Variants in RPAP2 observed in about 807,000 individuals in gnomAD.
RPAP2 encodes the protein RNA polymerase II associated protein 2, also known as putative RNA polymerase II subunit B1 CTD phosphatase RPAP2.
Under a neutral mutation model 73.1 loss-of-function variants are expected in RPAP2, and 52 were observed. The observed-to-expected ratio is 0.71, with a 90% CI of 0.57 to 0.90. The LOEUF is 0.90. Among genes scored for constraint, RPAP2 ranks in the 40% least tolerant of loss-of-function variants. The pLI, the probability that RPAP2 is intolerant of heterozygous loss-of-function variation, is 0.00. For missense variants in RPAP2, 598 were observed against 701.8 expected (o/e 0.85, Z 1.67); for synonymous variants, 225 against 242.1 (o/e 0.93, Z 0.65).
intron 6 of RPAP2, among the ~76,000 whole-genome samples, chr1:92,315,631 C>A (rs573945958): frequency 6.6e-6 from 1 of 152,126 alleles, no homozygotes; most frequent in Non-Finnish European, 1.5e-5. Context: ...AGAGTAATAT[C>A]TTTATATCAC....
chr1:92,401,739 A>G lies in RPAP2; in HGVS notation c.*14728A>G, dbSNP rs1656321833. The G allele has an allele frequency of 6.6e-6, 1 of 152,236 alleles. No homozygotes were observed. The highest frequency in any genetic ancestry group is 1.5e-5 in the Non-Finnish European group (1 of 68,046). The allele number at this position is 152,236 out of a possible 1,614,324, so 9.4% of individuals were successfully genotyped here. On this transcript the variant is annotated 3_prime_UTR_variant, in exon 13 of 13. Transcript: ENST00000610020. Reference sequence around the variant, plus strand: ...TGCTAAAAGGTTTTTGTCATTTTAAATCATAAATGGGTGTTGAATTTTGTC... The same window carrying G: ...TGCTAAAAGGTTTTTGTCATTTTAAGTCATAAATGGGTGTTGAATTTTGTC...
At chr1:92,341,846 T>C (rs1653611180) in intron 10 of RPAP2, among the ~76,000 whole-genome samples, 1 of 152,214 alleles carries the variant, frequency 6.6e-6, no homozygotes, top group Non-Finnish European at 1.5e-5. Flanking sequence ...GGTTTCACCA[T>C]GTTGGCCAAG....
rs1655158360 is a variant in RPAP2 at position 92,371,628 on chromosome 1, G to A, written c.1689-9096G>A. Among the ~76,000 whole-genome samples the A allele has an allele frequency of 4.6e-5, 7 of 151,826 alleles. No individual in the cohort carries two copies. In the South Asian group the frequency reaches 1.5e-3, roughly 32 times the overall value. ...TCAGCTTTAAAAAGAAGGAAATCCT[G>A]TTATTTGTGACGACATAGGTGAATC... On this transcript the variant is annotated intron_variant, in intron 11 of 12. Coordinates refer to ENST00000610020, the MANE Select transcript of RPAP2 (RefSeq NM_024813.3).
At chr1:92,306,102 T>C (rs1358752784) in intron 5 of RPAP2, among the ~76,000 whole-genome samples, 2 of 152,202 alleles carry the variant, frequency 1.3e-5, no homozygotes, top group Admixed American at 6.5e-5. Flanking sequence ...GAAGATAATA[T>C]GCTAAGTGAA....
intron 7 of RPAP2, among the ~76,000 whole-genome samples, chr1:92,322,147 T>C (rs1652311872): frequency 6.6e-6 from 1 of 151,766 alleles, no homozygotes; most frequent in African/African-American, 2.4e-5. Flanking sequence ...GGTTTCACTA[T>C]GTTGGCCAGG....
At chr1:92,309,591 A>G (rs1571029462) in intron 6 of RPAP2, among the ~76,000 whole-genome samples, 1 of 101,406 alleles carries the variant, frequency 9.9e-6, no homozygotes, top group East Asian at 2.1e-4. Flanking sequence ...ACATACACAT[A>G]CACATACACA....
At chr1:92,380,269 ACT>A (rs1017739342) in intron 11 of RPAP2, among the ~76,000 whole-genome samples, 25 of 148,802 alleles carry the variant, frequency 1.7e-4, no homozygotes, top group Admixed American at 1.4e-3. Context: ...CAGAAGCGAG[ACT>A]CTGCCTCAAA....
intron 7 of RPAP2, 45 bp downstream of exon 7, chr1:92,320,679 A>G (rs1322577296): frequency 2.0e-6 from 3 of 1,509,894 alleles, no homozygotes; most frequent in Middle Eastern, 1.7e-4. Context: ...ATTTATGTTA[A>G]TAGAAACATT....
In RPAP2 at chr1:92,400,882, T is replaced by C. The variant is rs1656300274; in HGVS notation, c.*13871T>C. The C allele has an allele frequency of 6.6e-6, 1 of 152,246 alleles. No individual in the cohort carries two copies. Among genetic ancestry groups the C allele is most frequent in the African/African-American group, 2.4e-5 (1 of 41,440 alleles). 9.4% of individuals were successfully genotyped at this position (152,246 alleles called of 1,614,324 possible). A position where few individuals can be genotyped will look rare whatever the true frequency, so the allele number is the denominator to read the frequency against. On this transcript the variant is annotated 3_prime_UTR_variant, in exon 13 of 13. Transcript: ENST00000610020. The stretch of plus-strand genomic sequence containing the variant: ...GAAATACCCCAGACTGGGTAATTTA[T>C]AAAGGAAAGAGTTTTAATTGACTCA...
Position 92,390,821 on chromosome 1 carries a change from G to A in RPAP2, c.*3810G>A, listed in dbSNP as rs1282363177. The A allele has an allele frequency of 2.0e-5, 3 of 152,116 alleles. No individual in the cohort carries two copies. The East Asian group carries it at 5.8e-4, about 29-fold the overall frequency. 9.4% of individuals were successfully genotyped at this position (152,116 alleles called of 1,614,324 possible). On this transcript the variant is annotated 3_prime_UTR_variant, in exon 13 of 13. Transcript: ENST00000610020. ...GAAGGTCATTACATAATGGTAAAGGGATCAATTCAACAAGAACAGCTAACT... is the reference window on the plus strand; with the variant it reads ...GAAGGTCATTACATAATGGTAAAGGAATCAATTCAACAAGAACAGCTAACT...
At chr1:92,299,735 C>T (rs1650665567) in intron 1 of RPAP2, among the ~76,000 whole-genome samples, 1 of 152,176 alleles carries the variant, frequency 6.6e-6, no homozygotes, top group Non-Finnish European at 1.5e-5. Context: ...CTCTCCCTTC[C>T]TATTTCATTT....
chr1:92,399,772 C>T lies in RPAP2; in HGVS notation c.*12761C>T, dbSNP rs1275349268. 1.3e-5 allele frequency: 2 copies of T among 152,082 alleles called. No homozygotes were observed. The highest frequency in any genetic ancestry group is 2.9e-5 in the Non-Finnish European group (2 of 68,022). 9.4% of individuals were successfully genotyped at this position (152,082 alleles called of 1,614,324 possible). A position where few individuals can be genotyped will look rare whatever the true frequency, so the allele number is the denominator to read the frequency against. ...CACATCGTCCCATTAACACATTATC[C>T]ATCTTTGGGGGGAAAAAATACACTA... On this transcript the variant is annotated 3_prime_UTR_variant, in exon 13 of 13. Coordinates refer to ENST00000610020, the MANE Select transcript of RPAP2 (RefSeq NM_024813.3).
intron 7 of RPAP2, among the ~76,000 whole-genome samples, chr1:92,321,478 T>A (rs747290667): frequency 1.4e-4 from 21 of 151,828 alleles, no homozygotes; most frequent in African/African-American, 2.2e-4. Flanking sequence ...ATATATATAT[T>A]TTTTTCTTTA....
intron 6 of RPAP2, among the ~76,000 whole-genome samples, chr1:92,319,117 C>T (rs1326984892): frequency 6.6e-6 from 1 of 152,002 alleles, no homozygotes; most frequent in Non-Finnish European, 1.5e-5. Context: ...GCCTCAAATG[C>T]CTTTATATAC....
chr1:92,382,694 A>G (rs1263241150), intron 12 of RPAP2, among the ~76,000 whole-genome samples: 7 of 152,148 alleles, frequency 4.6e-5, no homozygotes, highest in African/African-American at 1.4e-4. Context: ...AGTAGGTTGC[A>G]AAAATTTTCT....
At chr1:92,316,241 AG>A (rs1303824376) in intron 6 of RPAP2, among the ~76,000 whole-genome samples, 19 of 152,216 alleles carry the variant, frequency 1.2e-4, no homozygotes, top group Non-Finnish European at 2.6e-4. Flanking sequence ...GCTTCTTGGC[AG>A]TAAACAGTAG....
chr1:92,337,664 C>G (rs1653354900), intron 10 of RPAP2, among the ~76,000 whole-genome samples: 1 of 152,018 alleles, frequency 6.6e-6, no homozygotes, highest in South Asian at 2.1e-4. Context: ...TCAGTTTTCT[C>G]TAAGTTTTAT....
At chr1:92,374,504 T>C (rs1655305863) in intron 11 of RPAP2, among the ~76,000 whole-genome samples, 1 of 152,204 alleles carries the variant, frequency 6.6e-6, no homozygotes, top group Admixed American at 6.5e-5. Flanking sequence ...GCTCAGTGCT[T>C]GGACCTCTAC....
chr1:92,315,982 G>C (rs1651882821), intron 6 of RPAP2, among the ~76,000 whole-genome samples: 1 of 152,212 alleles, frequency 6.6e-6, no homozygotes, highest in East Asian at 1.9e-4. Flanking sequence ...GAGTTTTGAT[G>C]CTCTGAGACA....
Sources: gnomAD v4.1 joint callset for allele counts (sites outside exome capture counted in the v4.1 genomes callset) on GRCh38, gnomAD v4.1.1 for gene constraint, MANE v1.5 for transcripts, NCBI Gene and HGNC (gene_info 2026-07-23, HGNC 2026-07-21) for gene names.